PAX7: variants seen among roughly 807,000 people sequenced by gnomAD.
PAX7 encodes the protein paired box 7.
In PAX7, 18 loss-of-function variants were observed where a neutral mutation model predicts 50.7. The observed-to-expected ratio is 0.36, with a 90% CI of 0.25 to 0.53. The LOEUF (loss-of-function observed/expected upper bound fraction) is 0.53. Ranked by LOEUF, PAX7 falls within the 20% of genes least tolerant of loss-of-function variation. The probability of loss-of-function intolerance (pLI) is 0.93; values close to 1 mark genes in which losing one functional copy is unlikely to be tolerated. For missense variants in PAX7, 644 were observed against 702.9 expected, an observed-to-expected ratio of 0.92 and a Z score of 0.95; for synonymous variants, 310 against 290.4, an observed-to-expected ratio of 1.07 and a Z score of -0.69.
chr1:18,650,094 G>A (rs984831595), intron 4 of PAX7, among the ~76,000 whole-genome samples: 1 of 152,208 alleles, frequency 6.6e-6, no homozygotes, highest in Non-Finnish European at 1.5e-5. Flanking sequence ...CTTTGTCCTG[G>A]GAAGAGCAAG....
rs1348023644 is a variant in PAX7, at chr1:18,636,722, G to T, written c.586+351G>T. 1.3e-5 allele frequency among the ~76,000 whole-genome samples: 2 copies of T among 149,524 alleles called. No individual in the cohort carries two copies. Among genetic ancestry groups the T allele is most frequent in the African/African-American group, 2.4e-5 (1 of 40,952 alleles). ...TGGCGTTTTGGCTGCTACTCTCGGC[G>T]TCGATCAATTATTTATAGGAAACTT... On this transcript the variant is annotated intron_variant, in intron 4 of 8. Transcript: ENST00000420770. This position sits in a 1 kb window ranked among gnomAD's most constrained non-coding sequence, Gnocchi z 5.1.
intron 7 of PAX7, among the ~76,000 whole-genome samples, chr1:18,729,133 A>G (rs1026768185): frequency 2.0e-5 from 3 of 152,256 alleles, no homozygotes; most frequent in Admixed American, 6.5e-5. Context: ...GGACACTTTC[A>G]TGCAATTCAG....
intron 4 of PAX7, among the ~76,000 whole-genome samples, chr1:18,668,472 A>G (rs1219675558): frequency 6.6e-6 from 1 of 152,176 alleles, no homozygotes; most frequent in Non-Finnish European, 1.5e-5. Context: ...AGGCCAAGGC[A>G]GGCAAACTGC....
intron 4 of PAX7, among the ~76,000 whole-genome samples, chr1:18,657,476 G>A (rs958683056): frequency 2.0e-5 from 3 of 151,956 alleles, no homozygotes; most frequent in African/African-American, 7.3e-5. Context: ...TCTAGAAAGA[G>A]AAACCAGAGG....
intron 4 of PAX7, among the ~76,000 whole-genome samples, chr1:18,660,236 G>T (rs2088581476): frequency 6.6e-6 from 1 of 152,116 alleles, no homozygotes; most frequent in Non-Finnish European, 1.5e-5. Context: ...CTTGCTGGCT[G>T]GGAGGTTTTG....
intron 4 of PAX7, among the ~76,000 whole-genome samples, chr1:18,650,163 T>G (rs1231176983): frequency 6.6e-6 from 1 of 152,196 alleles, no homozygotes; most frequent in East Asian, 1.9e-4. Context: ...CTCTGTATAC[T>G]CCTGGAATCA....
rs774061568 is a variant in PAX7 at position 18,686,893 on chromosome 1, A to ATTT, written c.587-4859_587-4858insTTT. Among the ~76,000 whole-genome samples, 94 of 50,794 alleles carry ATTT rather than the reference A, an allele frequency of 1.9e-3. 1 individual carries two copies. Among genetic ancestry groups the ATTT allele is most frequent in the African/African-American group, 3.2e-3 (26 of 8,138 alleles). The allele number at this position is 50,794 out of a possible 152,430, so 33.3% of individuals were successfully genotyped here. ...ATCATCTTTATTTTATTTTATTATT[A>ATTT]TTATTATTATTTTTTGAGACAGAGT... is the stretch of plus-strand genomic sequence containing the variant. On this transcript the variant is annotated intron_variant, in intron 4 of 8. Transcript: ENST00000420770.
chr1:18,671,528 T>A (rs1292170733), intron 4 of PAX7, among the ~76,000 whole-genome samples: 1 of 150,396 alleles, frequency 6.6e-6, no homozygotes, highest in African/African-American at 2.5e-5. Flanking sequence ...GGGAGGAGGG[T>A]GTGATGGTGG....
intron 4 of PAX7, among the ~76,000 whole-genome samples, chr1:18,676,632 G>A (rs549362184): frequency 1.1e-4 from 17 of 152,280 alleles, no homozygotes; most frequent in Admixed American, 1.0e-3. Context: ...CAGAATGGGA[G>A]GGTGATGAAA....
chr1:18,711,129 C>T (rs555299465), intron 7 of PAX7, among the ~76,000 whole-genome samples: 1 of 152,244 alleles, frequency 6.6e-6, no homozygotes, highest in East Asian at 1.9e-4. Context: ...AAGCCTGGAG[C>T]GAGAGAAACT....
At position 18,634,095 on chromosome 1, in the gene PAX7, T is replaced by A. The variant is rs933967710; in HGVS notation, c.86-208T>A. Among the ~76,000 whole-genome samples, 6 of 152,228 alleles carry A rather than the reference T, an allele frequency of 3.9e-5. No homozygotes were observed. The highest frequency in any genetic ancestry group is 8.8e-5 in the Non-Finnish European group (6 of 68,042). ...GACTCTTGCAGCTGTGACTCCTCTA[T>A]CCATCTCTGCAGGAGATTTCCTAGA... On this transcript the variant is annotated intron_variant, in intron 1 of 8. Transcript: ENST00000420770. This position sits in a 1 kb window ranked among gnomAD's most constrained non-coding sequence, Gnocchi z 4.0.
intron 4 of PAX7, among the ~76,000 whole-genome samples, chr1:18,647,984 C>T (rs1287537564): frequency 6.6e-6 from 1 of 152,190 alleles, no homozygotes; most frequent in African/African-American, 2.4e-5. Flanking sequence ...ACGCACAGAG[C>T]CAGTTCCTGG....
At chr1:18,658,224 C>T (rs1047704482) in intron 4 of PAX7, among the ~76,000 whole-genome samples, 5 of 151,562 alleles carry the variant, frequency 3.3e-5, no homozygotes, top group Non-Finnish European at 7.4e-5. Context: ...TCCCTGCCCC[C>T]ACCTGCCCCT....
intron 4 of PAX7, among the ~76,000 whole-genome samples, chr1:18,649,483 A>G (rs1263042252): frequency 6.6e-6 from 1 of 152,114 alleles, no homozygotes; most frequent in Non-Finnish European, 1.5e-5. Flanking sequence ...GAAGGGCAGC[A>G]AGAATCTCCT....
chr1:18,640,983 TC>T (rs2088244155), intron 4 of PAX7, among the ~76,000 whole-genome samples: 1 of 151,746 alleles, frequency 6.6e-6, no homozygotes, highest in South Asian at 2.1e-4. Context: ...CTTCCCTCCA[TC>T]CCCCCAACCG....
chr1:18,680,079 T>A (rs971613565), intron 4 of PAX7, among the ~76,000 whole-genome samples: 8 of 152,200 alleles, frequency 5.3e-5, no homozygotes. Flanking sequence ...GTCCTCATTT[T>A]ACAGATGAGG....
chr1:18,703,204 C>A lies in PAX7; in HGVS notation c.1063C>A (p.Arg355Ser), dbSNP rs765973742. Residue 355 changes from arginine to serine, a missense_variant, in exon 7 of 9, where the codon CGC becomes AGC. Physicochemically the swap from Arg to Ser is moderately radical, Grantham distance 110 (BLOSUM62 -1). Coordinates refer to ENST00000420770, the MANE Select transcript of PAX7 (RefSeq NM_001135254.2). The part of the protein sequence containing the change: ...AADTSSAYGA[R>S]HSFSSYSDSF... ...CGACACCAGCTCTGCCTACGGAGCC[C>A]GCCACAGCTTCTCCAGCTACTCTGA... The A allele has an allele frequency of 6.2e-7, 1 of 1,614,080 alleles. No homozygotes were observed. Among genetic ancestry groups the A allele is most frequent in the South Asian group, 1.1e-5 (1 of 91,082 alleles).
intron 8 of PAX7, among the ~76,000 whole-genome samples, chr1:18,737,704 CTG>C (rs1306505198): frequency 1.3e-5 from 2 of 152,242 alleles, no homozygotes; most frequent in East Asian, 1.9e-4. Context: ...ATGTGCACAT[CTG>C]TGTGTGTGAA....
Position 18,719,296 on chromosome 1 carries a change from G to A in PAX7, c.1155+16000G>A, listed in dbSNP as rs556061507. ...AGCATCCACAAAAGAGGTAACCCGT[G>A]TGGGCGAATGAGTGCTGGATGAGGA... On this transcript the variant is annotated intron_variant, in intron 7 of 8. Transcript: ENST00000420770. 2.5e-3 allele frequency among the ~76,000 whole-genome samples: 383 copies of A among 152,340 alleles called. 3 individuals are homozygous for A. Among genetic ancestry groups the A allele is most frequent in the Non-Finnish European group, 3.9e-3 (267 of 68,040 alleles).
Sources: gnomAD v4.1 joint callset for allele counts (sites outside exome capture counted in the v4.1 genomes callset) on GRCh38, gnomAD v4.1.1 for gene constraint, Gnocchi (gnomAD v3.1) non-coding constraint, MANE v1.5 for transcripts, NCBI Gene and HGNC (gene_info 2026-07-23, HGNC 2026-07-21) for gene names.